UBAP2: variants seen among roughly 807,000 people sequenced by gnomAD.
UBAP2 encodes the protein ubiquitin-associated protein 2.
UBAP2 carries 75 observed loss-of-function variants against 139.6 expected under a neutral mutation model. The observed-to-expected ratio is 0.54, with a 90% confidence interval of 0.45 to 0.65. UBAP2 has a LOEUF of 0.65. UBAP2 is among the 30% of genes least tolerant of loss of function. The pLI is 0.00. For missense variants in UBAP2, 1,368 were observed against 1,369.6 expected (o/e 1.00, Z 0.02); for synonymous variants, 526 against 526.2 (o/e 1.00, Z 0.01).
chr9:34,010,506 G>A (rs1337197055), intron 2 of UBAP2, among the ~76,000 whole-genome samples: 1 of 150,092 alleles, frequency 6.7e-6, no homozygotes, highest in African/African-American at 2.4e-5. Flanking sequence ...GTGATTAAGA[G>A]TACCATTAAT....
chr9:33,947,039 TA>T (rs1825704886), intron 13 of UBAP2, among the ~76,000 whole-genome samples: 1 of 152,196 alleles, frequency 6.6e-6, no homozygotes, highest in African/African-American at 2.4e-5. Context: ...CAATGTGGTT[TA>T]TGCTCAACAT....
chr9:34,003,375 C>CTT (rs34673994), intron 2 of UBAP2, among the ~76,000 whole-genome samples: 2,718 of 138,206 alleles, frequency 0.02, 44 homozygotes, highest in Non-Finnish European at 0.028. Context: ...TCAAAGATGG[C>CTT]TTTTTTTTTT....
chr9:34,028,681 T>TAA (rs1825629165), intron 1 of UBAP2, among the ~76,000 whole-genome samples: 1 of 151,876 alleles, frequency 6.6e-6, no homozygotes, highest in South Asian at 2.1e-4. Context: ...CGACCAGCCT[T>TAA]AAACCTTGTC....
At chr9:33,934,360 A>G (rs1824269918) in intron 17 of UBAP2, 1 of 155,782 alleles carries the variant, frequency 6.4e-6, no homozygotes, top group African/African-American at 2.4e-5. Flanking sequence ...GAAATAAAAC[A>G]TCATTGTCTT....
At chr9:33,979,800 G>A (rs2781279) in intron 6 of UBAP2, among the ~76,000 whole-genome samples, 60,146 of 151,460 alleles carry the variant, frequency 0.4, 12,282 homozygotes, top group South Asian at 0.48. Flanking sequence ...CCCCGGAGGC[G>A]GAGGTTGCAG....
At chr9:34,025,623 T>G (rs1372517283) in intron 1 of UBAP2, among the ~76,000 whole-genome samples, 1 of 152,216 alleles carries the variant, frequency 6.6e-6, no homozygotes, top group African/African-American at 2.4e-5. Flanking sequence ...ATTGTCTAAA[T>G]GTAATGAGGA....
intron 1 of UBAP2, among the ~76,000 whole-genome samples, chr9:34,020,233 G>A (rs1002576191): frequency 2.7e-5 from 4 of 150,912 alleles, no homozygotes; most frequent in African/African-American, 4.9e-5. Context: ...CAATACTACC[G>A]TCTTCCATCT....
intron 1 of UBAP2, among the ~76,000 whole-genome samples, chr9:34,029,538 AG>A (rs1243499247): frequency 2.6e-5 from 4 of 151,912 alleles, no homozygotes; most frequent in Non-Finnish European, 4.4e-5. Flanking sequence ...AAAAAAAAAA[AG>A]AAAATGTATA....
chr9:33,997,897 AATT>A (rs961810524), intron 3 of UBAP2: 1 of 152,192 alleles, frequency 6.6e-6, no homozygotes, highest in African/African-American at 2.4e-5. Flanking sequence ...TCCAAAGAAC[AATT>A]ATTAGACGAC....
At chr9:33,993,353 G>C (rs942686861) in intron 4 of UBAP2, among the ~76,000 whole-genome samples, 5 of 152,150 alleles carry the variant, frequency 3.3e-5, no homozygotes, top group Admixed American at 6.6e-5. Context: ...GATAATCAAA[G>C]CTGTTTAGCC....
chr9:33,995,788 T>TA (rs75301002), intron 4 of UBAP2: 246 of 138,160 alleles, frequency 1.8e-3, no homozygotes, highest in Middle Eastern at 3.6e-3. Flanking sequence ...AACCCAATAT[T>TA]AAAAAAAAAA....
At chr9:33,985,540 T>C (rs1821131235) in intron 6 of UBAP2, among the ~76,000 whole-genome samples, 1 of 152,188 alleles carries the variant, frequency 6.6e-6, no homozygotes, top group Non-Finnish European at 1.5e-5. Context: ...TTGGAAGACA[T>C]TGTGTTAAAT....
At chr9:34,005,746 C>T (rs572765668) in intron 2 of UBAP2, among the ~76,000 whole-genome samples, 20 of 152,182 alleles carry the variant, frequency 1.3e-4, no homozygotes, top group African/African-American at 4.8e-4. Flanking sequence ...GACAACCCAA[C>T]TTAAAGCTAT....
At chr9:33,949,194 AT>A (rs113214434) in intron 12 of UBAP2, among the ~76,000 whole-genome samples, 29,694 of 149,930 alleles carry the variant, frequency 0.2, 3,530 homozygotes, top group East Asian at 0.58. Context: ...ATAAATAAAA[AT>A]AAAATAAAAT....
intron 6 of UBAP2, among the ~76,000 whole-genome samples, chr9:33,977,479 T>C (rs1020215570): frequency 2.6e-5 from 4 of 152,170 alleles, no homozygotes; most frequent in African/African-American, 9.6e-5. Context: ...TTTCCCTGCA[T>C]TGTTATCTGG....
intron 3 of UBAP2, chr9:33,996,610 C>A (rs917227980): frequency 3.2e-5 from 10 of 312,720 alleles, no homozygotes; most frequent in Non-Finnish European, 2.3e-5. Flanking sequence ...TACGTACCAA[C>A]ATTCTCAGAA....
chr9:33,929,723 C>T (rs997380635), intron 19 of UBAP2, among the ~76,000 whole-genome samples: 5 of 152,292 alleles, frequency 3.3e-5, no homozygotes, highest in East Asian at 1.9e-4. Context: ...TCACATAGGC[C>T]GGGCACGGTG....
intron 8 of UBAP2, among the ~76,000 whole-genome samples, chr9:33,965,024 C>T (rs921628764): frequency 1.3e-5 from 2 of 152,288 alleles, no homozygotes; most frequent in South Asian, 2.1e-4. Context: ...AGCACACTCA[C>T]GGATTTGTTT....
At chr9:33,954,105 C>A (rs913170317) in intron 11 of UBAP2, among the ~76,000 whole-genome samples, 2 of 151,992 alleles carry the variant, frequency 1.3e-5, no homozygotes, top group Non-Finnish European at 2.9e-5. Context: ...CAGGGTTTCA[C>A]CATGTTGGAC....
Sources: gnomAD v4.1 joint callset for allele counts (sites outside exome capture counted in the v4.1 genomes callset) on GRCh38, gnomAD v4.1.1 for gene constraint, MANE v1.5 for transcripts, NCBI Gene and HGNC (gene_info 2026-07-23, HGNC 2026-07-21) for gene names.